The following CIZ1 variants were observed in gnomAD, a reference collection of about 807,000 sequenced individuals.
CIZ1 encodes the protein CDKN1A interacting zinc finger protein 1.
CIZ1 carries 58 observed loss-of-function variants against 118.6 expected under a neutral mutation model. The ratio of observed to expected loss-of-function variants is 0.49; its 90% CI spans 0.40 to 0.61. CIZ1 has a LOEUF of 0.61. Ranked by LOEUF, CIZ1 falls within the 20% of genes least tolerant of loss-of-function variation. The probability of loss-of-function intolerance (pLI) is 0.00; values close to 1 mark genes in which losing one functional copy is unlikely to be tolerated. For synonymous variants in CIZ1, 448 were observed against 443.4 expected (o/e 1.01, Z -0.13); for missense variants, 921 against 1,115.9 (o/e 0.83, Z 2.49).
At chr9:128,181,121 CT>C (rs1014401287) in intron 5 of CIZ1, among the ~76,000 whole-genome samples, 73 of 146,240 alleles carry the variant, frequency 5.0e-4, no homozygotes, top group Admixed American at 4.1e-4. Context: ...CAGTGGGGTC[CT>C]TTTTTTTTTT....
chr9:128,176,363 T>C lies in CIZ1; in HGVS notation c.1931A>G (p.Glu644Gly), dbSNP rs771944672. Residue 644 changes from glutamate (E) to glycine (G), a missense_variant, in exon 11 of 17, where the codon GAG (glutamate) becomes GGG (glycine). Coordinates refer to ENST00000372938, the MANE Select transcript of CIZ1 (RefSeq NM_001131016.2). The part of the protein sequence containing the change: ...SLLPVPRDVL[E>G]TEDEEPPPRR... ...ATCCCCCACTCACTCATCCTCTGTC[T>C]CCAGGACGTCCCGGGGCACGGGCAG... 1.2e-6 allele frequency: 2 copies of C among 1,613,982 alleles called. No individual in the cohort carries two copies. Among genetic ancestry groups the C allele is most frequent in the Non-Finnish European group, 1.7e-6 (2 of 1,179,926 alleles).
chr9:128,201,143 C>T (rs899690515), intron 1 of CIZ1, among the ~76,000 whole-genome samples: 4 of 152,078 alleles, frequency 2.6e-5, no homozygotes, highest in Non-Finnish European at 5.9e-5. Flanking sequence ...TGGCACGAGC[C>T]TGTAGTCCCA....
Position 128,178,820 on chromosome 9 carries a change from C to T in CIZ1, c.1387G>A (p.Glu463Lys). 6.2e-7 allele frequency: 1 copy of T among 1,614,186 alleles called. No individual in the cohort carries two copies. The stretch of plus-strand genomic sequence containing the variant: ...ACCTGCGGCTGGGTGTGAGGCTGCT[C>T]ATGGGTCTGCTCTGGTGGCTGTACT... ...VSVQPPEQTHEQPHTQPQVSL... is the reference protein window; with the variant it reads ...VSVQPPEQTHKQPHTQPQVSL... The change falls in exon 8 of 17, where the codon GAG becomes AAG. Residue 463 changes from glutamate (E) to lysine (K), a missense_variant. Transcript: ENST00000372938.
chr9:128,181,972 T>C (rs868213995), intron 5 of CIZ1, among the ~76,000 whole-genome samples: 4 of 152,154 alleles, frequency 2.6e-5, no homozygotes, highest in Admixed American at 1.3e-4. Context: ...TTCCAGATAG[T>C]AGTAGTCAAT....
chr9:128,195,622 A>G (rs746635628), upstream of CIZ1, among the ~76,000 whole-genome samples: 3 of 151,876 alleles, frequency 2.0e-5, no homozygotes, highest in Non-Finnish European at 4.4e-5. Context: ...CAGGCCTTCC[A>G]GACCTATTCT....
chr9:128,166,246 C>T lies in CIZ1; in HGVS notation c.2648G>A (p.Arg883Gln), dbSNP rs772580580. 28 of 1,469,492 alleles carry T rather than the reference C, an allele frequency of 1.9e-5. No individual in the cohort carries two copies. Among genetic ancestry groups the T allele is most frequent in the Middle Eastern group, 2.2e-4 (1 of 4,578 alleles). 91.0% of individuals were successfully genotyped at this position (1,469,492 alleles called of 1,614,324 possible). Residue 883 changes from arginine to glutamine, a missense_variant, in exon 17 of 17, where the codon CGA becomes CAA. By Grantham distance (43) the Arg-to-Gln change is conservative. Transcript: ENST00000372938. This position sits in a 1 kb window ranked among gnomAD's most constrained non-coding sequence, Gnocchi z 4.4. ...QDKTPSKVTARPSQPPLPRRS... is the reference protein window; with the variant it reads ...QDKTPSKVTAQPSQPPLPRRS... ...CCGAGGTAGTGGGGGCTGGGAGGGT[C>T]GAGCCGTCACCTTGCTGGGTGTTTT...
chr9:128,195,567 C>A (rs1273130789), upstream of CIZ1, among the ~76,000 whole-genome samples: 1 of 152,164 alleles, frequency 6.6e-6, no homozygotes, highest in Non-Finnish European at 1.5e-5. Flanking sequence ...ATCTACCCAC[C>A]TTGGCCTCCC....
intron 5 of CIZ1, 119 bp downstream of exon 5, chr9:128,185,428 A>C (rs1832238126): frequency 5.5e-6 from 3 of 540,564 alleles, no homozygotes; most frequent in Non-Finnish European, 9.7e-6. Flanking sequence ...CAGATGAGGA[A>C]ACTGAGGCAT....
Position 128,166,135 on chromosome 9 carries a change from G to A in CIZ1, c.*62C>T, listed in dbSNP as rs780591748. On this transcript the variant is annotated 3_prime_UTR_variant, in exon 17 of 17. Coordinates refer to ENST00000372938, the MANE Select transcript of CIZ1 (RefSeq NM_001131016.2). The surrounding 1 kb of genome is among the most constrained non-coding windows in gnomAD (Gnocchi z 4.4). ...TGAACCATGTCAAAGTTTCCAGGCA[G>A]ACTCCTAAAAAGCATTAGCAGATCT... 1.7e-6 allele frequency: 2 copies of A among 1,148,138 alleles called. No individual in the cohort carries two copies. The highest frequency in any genetic ancestry group is 2.4e-6 in the Non-Finnish European group (2 of 847,792). The allele number at this position is 1,148,138 out of a possible 1,614,324, so 71.1% of individuals were successfully genotyped here.
Position 128,166,649 on chromosome 9 carries a change from C to T in CIZ1, c.2487+110G>A. ...CTCCCTGTTGGTGCAGGGGTGGTGC[C>T]TGGGGATTGAGGCCCTGCACAAGAG... is the stretch of plus-strand genomic sequence containing the variant. On this transcript the variant is annotated intron_variant, in intron 16 of 16. Transcript: ENST00000372938. The surrounding 1 kb of genome is among the most constrained non-coding windows in gnomAD (Gnocchi z 4.4). 1.4e-6 allele frequency: 2 copies of T among 1,393,060 alleles called. No individual in the cohort carries two copies. Among genetic ancestry groups the T allele is most frequent in the African/African-American group, 1.4e-5 (1 of 70,792 alleles). 86.3% of individuals were successfully genotyped at this position (1,393,060 alleles called of 1,614,324 possible). A position where few individuals can be genotyped will look rare whatever the true frequency, so the allele number is the denominator to read the frequency against.
At chr9:128,181,948 C>T (rs1236641958) in intron 5 of CIZ1, among the ~76,000 whole-genome samples, 2 of 152,240 alleles carry the variant, frequency 1.3e-5, no homozygotes, top group Non-Finnish European at 2.9e-5. Context: ...CCATCCTGTA[C>T]ACCTGGCTCT....
chr9:128,186,098 T>G (rs889356794), intron 4 of CIZ1, among the ~76,000 whole-genome samples: 1 of 151,940 alleles, frequency 6.6e-6, no homozygotes, highest in African/African-American at 2.4e-5. Context: ...GCACAGCCCA[T>G]AGGGAGAACC....
intron 11 of CIZ1, among the ~76,000 whole-genome samples, chr9:128,170,525 T>C (rs541429377): frequency 8.5e-5 from 13 of 152,140 alleles, no homozygotes; most frequent in South Asian, 2.1e-4. Context: ...TGGTGGCTCA[T>C]GCACCTGTGG....
Position 128,203,691 on chromosome 9 carries a change from C to A in CIZ1, c.-6+495G>T. 7.2e-7 allele frequency: 1 copy of A among 1,387,732 alleles called. No individual in the cohort carries two copies. The highest frequency in any genetic ancestry group is 9.3e-7 in the Non-Finnish European group (1 of 1,072,942). The allele number at this position is 1,387,732 out of a possible 1,614,324, so 86.0% of individuals were successfully genotyped here. A position where few individuals can be genotyped will look rare whatever the true frequency, so the allele number is the denominator to read the frequency against. The stretch of plus-strand genomic sequence containing the variant: ...ACCCCCGGGATCCCTGGAGTCCCCG[C>A]CCGGGGCACTGACGGCGCGGCGACC... On this transcript the variant is annotated intron_variant, in intron 1 of 17. Transcript: ENST00000372948. This position sits in a 1 kb window ranked among gnomAD's most constrained non-coding sequence, Gnocchi z 5.3.
At chr9:128,196,844 C>T (rs10819372) in intron 1 of CIZ1, 41,545 of 152,052 alleles carry the variant, frequency 0.27, 6,049 homozygotes, top group Non-Finnish European at 0.32. Context: ...CCTTGTGATA[C>T]CCCCGCCTCA....
At chr9:128,187,982 C>A in intron 3 of CIZ1, 48 bp from the exon 4 acceptor site, 2 of 621,112 alleles carry the variant, frequency 3.2e-6, no homozygotes, top group South Asian at 3.6e-5. Context: ...ATAAAACATC[C>A]ATCCCCCCTG....
At chr9:128,178,341 A>C (rs935823276) in intron 9 of CIZ1, 28 bp downstream of exon 9, 6 of 1,601,670 alleles carry the variant, frequency 3.7e-6, no homozygotes, top group African/African-American at 1.3e-5. Flanking sequence ...TGTGGCCCTC[A>C]CACTGCCACA....
rs745411073 is a variant in CIZ1 at position 128,166,252 on chromosome 9, G to A, written c.2642C>T (p.Thr881Met). 22 of 1,437,112 alleles carry A rather than the reference G, an allele frequency of 1.5e-5. No homozygotes were observed. The highest frequency in any genetic ancestry group is 4.4e-4 in the Middle Eastern group (2 of 4,556). The allele number at this position is 1,437,112 out of a possible 1,614,324, so 89.0% of individuals were successfully genotyped here. The part of the protein sequence containing the change: ...NTQDKTPSKV[T>M]ARPSQPPLPR... Reference sequence around the variant, plus strand: ...TAGTGGGGGCTGGGAGGGTCGAGCCGTCACCTTGCTGGGTGTTTTGTCCTG... The same window carrying A: ...TAGTGGGGGCTGGGAGGGTCGAGCCATCACCTTGCTGGGTGTTTTGTCCTG... Residue 881 changes from threonine (T) to methionine (M), a missense_variant, in exon 17 of 17, where the codon ACG becomes ATG. Transcript: ENST00000372938. The surrounding 1 kb of genome is among the most constrained non-coding windows in gnomAD (Gnocchi z 4.4).
chr9:128,198,791 C>T (rs1833439470), intron 1 of CIZ1, among the ~76,000 whole-genome samples: 1 of 151,540 alleles, frequency 6.6e-6, no homozygotes, highest in East Asian at 1.9e-4. Context: ...GAGATCGTGC[C>T]ACTGCACTCC....
Sources: allele counts gnomAD v4.1 joint callset (sites outside exome capture counted in the v4.1 genomes callset), GRCh38; gene constraint gnomAD v4.1.1; non-coding constraint Gnocchi (gnomAD v3.1); transcripts MANE v1.5; gene names NCBI Gene and HGNC (gene_info 2026-07-23, HGNC 2026-07-21).